Variants in MYCBP2 observed in about 807,000 individuals in gnomAD.
The protein encoded by MYCBP2 is E3 ubiquitin-protein ligase MYCBP2.
Under a neutral mutation model 525.3 loss-of-function variants are expected in MYCBP2, and 120 were observed. That is an observed-to-expected ratio of 0.23 (90% CI 0.20 to 0.27). MYCBP2 has a LOEUF of 0.27. Among genes scored for constraint, MYCBP2 ranks in the 10% least tolerant of loss-of-function variants. The pLI is 1.00. For synonymous variants in MYCBP2, 1,894 were observed against 1,955.8 expected (o/e 0.97, Z 0.83); for missense variants, 4,149 against 5,657.1 (o/e 0.73, Z 8.55).
At chr13:77,282,411 GAAAA>G (rs35046756) in intron 3 of MYCBP2, among the ~76,000 whole-genome samples, 2 of 108,426 alleles carry the variant, frequency 1.8e-5, no homozygotes. Flanking sequence ...ACTCCATCTT[GAAAA>G]AAAAAAAAAA....
In MYCBP2 at chr13:77,273,577, A is replaced by G; in HGVS notation, c.840T>C (p.Ala280=). Residue 280 remains alanine (A), a synonymous_variant, in exon 5 of 83, where the codon GCT becomes GCC. Transcript: ENST00000544440. ...AAGAAGCCACCAGACTAAAGAGGCA[A>G]GCACAGGAAAGTGCTGTTAAGGACT... The part of the protein sequence containing the change: ...TGQSLTALSC[A]CLFSLVASWG... The G allele has an allele frequency of 6.2e-7, 1 of 1,613,878 alleles. No homozygotes were observed. Among genetic ancestry groups the G allele is most frequent in the South Asian group, 1.1e-5 (1 of 91,030 alleles).
chr13:77,293,519 T>C (rs1469846920), intron 2 of MYCBP2, among the ~76,000 whole-genome samples: 1 of 152,190 alleles, frequency 6.6e-6, no homozygotes, highest in African/African-American at 2.4e-5. Context: ...CAAAAACTTC[T>C]ATACCCTAAT....
intron 53 of MYCBP2, 39 bp downstream of exon 53, chr13:77,126,279 T>C: frequency 1.3e-6 from 2 of 1,548,010 alleles, no homozygotes; most frequent in Middle Eastern, 1.7e-4. Flanking sequence ...ACATTAAAAA[T>C]GAGTATCTTA....
In MYCBP2 at chr13:77,176,550, C is replaced by T; in HGVS notation, c.5419G>A (p.Asp1807Asn). 6.2e-7 allele frequency: 1 copy of T among 1,601,168 alleles called. No homozygotes were observed. Among genetic ancestry groups the T allele is most frequent in the East Asian group, 2.2e-5 (1 of 44,720 alleles). Residue 1807 changes from aspartate (D) to asparagine (N), a missense_variant, in exon 36 of 83, where the codon GAC (aspartate) becomes AAC (asparagine). Transcript: ENST00000544440. The part of the protein sequence containing the change: ...ELVKGTYTTD[D>N]SPSDIAEIRL... Reference sequence around the variant, plus strand: ...ATCTCAGCTATATCACTGGGTGAGTCATCCGTTGTGTACGTTCCTTTCACT... The same window carrying T: ...ATCTCAGCTATATCACTGGGTGAGTTATCCGTTGTGTACGTTCCTTTCACT...
chr13:77,287,641 T>C (rs1343205799), intron 3 of MYCBP2, among the ~76,000 whole-genome samples: 2 of 152,070 alleles, frequency 1.3e-5, no homozygotes, highest in East Asian at 3.9e-4. Flanking sequence ...AGTACAATTA[T>C]AAGCTTAGGC....
intron 62 of MYCBP2, among the ~76,000 whole-genome samples, chr13:77,084,837 TC>T (rs2043947971): frequency 6.6e-6 from 1 of 151,962 alleles, no homozygotes; most frequent in African/African-American, 2.4e-5. Flanking sequence ...AATTTTAGAC[TC>T]CCTTTCTGCA....
chr13:77,231,201 T>C (rs1398849458), intron 18 of MYCBP2, among the ~76,000 whole-genome samples: 8 of 152,192 alleles, frequency 5.3e-5, no homozygotes, highest in Admixed American at 1.3e-4. Context: ...AAGTAGGTCC[T>C]TACAGAGTGG....
rs17067328 is a variant in MYCBP2, at chr13:77,229,864, G to T, written c.2737+3292C>A. ...AAGTAAGAGTAAAATAGACTCAGAT[G>T]TTTATCAGTGTGCCTTCAGATTTTC... is the stretch of plus-strand genomic sequence containing the variant. On this transcript the variant is annotated intron_variant, in intron 18 of 82. Transcript: ENST00000544440. 6.8e-3 allele frequency among the ~76,000 whole-genome samples: 1,039 copies of T among 152,180 alleles called. 6 individuals are homozygous for T. Among genetic ancestry groups the T allele is most frequent in the African/African-American group, 0.024 (989 of 41,540 alleles).
intron 65 of MYCBP2, 128 bp from the exon 66 acceptor site, chr13:77,079,017 C>T: frequency 2.9e-6 from 2 of 682,390 alleles, no homozygotes; most frequent in South Asian, 1.8e-5. Flanking sequence ...CTGATTGACC[C>T]CACCCCATCC....
chr13:77,108,409 T>C (rs2048197281), intron 55 of MYCBP2, among the ~76,000 whole-genome samples: 1 of 152,162 alleles, frequency 6.6e-6, no homozygotes, highest in Admixed American at 6.6e-5. Flanking sequence ...TTAGAAAGAA[T>C]AACTTCAAAA....
At position 77,326,713 on chromosome 13, in the gene MYCBP2, T is replaced by A. The variant is rs117722214; in HGVS notation, c.63A>T (p.Gly21=). The change falls in exon 1 of 83, where the codon GGA becomes GGT. Residue 21 remains glycine, a synonymous_variant. Transcript: ENST00000544440. The surrounding 1 kb of genome is among the most constrained non-coding windows in gnomAD (Gnocchi z 4.2). The part of the protein sequence containing the change: ...AAASSGLGGD[G]FYPAATFSSS... ...AAGAGAAGGTGGCGGCTGGGTAGAATCCGTCCCCGCCGAGCCCCGAGGAGG... is the reference window on the plus strand; with the variant it reads ...AAGAGAAGGTGGCGGCTGGGTAGAAACCGTCCCCGCCGAGCCCCGAGGAGG... 100,062 of 1,419,156 alleles carry A rather than the reference T, an allele frequency of 0.071. 3,825 individuals carry two copies. Among genetic ancestry groups the A allele is most frequent in the Middle Eastern group, 0.1 (418 of 4,004 alleles). The allele number at this position is 1,419,156 out of a possible 1,614,324, so 87.9% of individuals were successfully genotyped here. A position where few individuals can be genotyped will look rare whatever the true frequency, so the allele number is the denominator to read the frequency against.
chr13:77,079,029 T>C (rs2042838090), intron 65 of MYCBP2, 140 bp from the exon 66 acceptor site: 5 of 634,542 alleles, frequency 7.9e-6, no homozygotes, highest in Non-Finnish European at 1.4e-5. Context: ...ACCCCATCCC[T>C]CCAACTAACC....
intron 38 of MYCBP2, among the ~76,000 whole-genome samples, chr13:77,170,179 G>A (rs1426210995): frequency 1.3e-5 from 2 of 152,160 alleles, no homozygotes; most frequent in Non-Finnish European, 2.9e-5. Flanking sequence ...ATTAAACGAG[G>A]TAATATATGT....
chr13:77,237,753 G>A (rs997306895), intron 17 of MYCBP2, among the ~76,000 whole-genome samples: 4 of 152,050 alleles, frequency 2.6e-5, no homozygotes, highest in Non-Finnish European at 4.4e-5. Context: ...AGTGTGAGAA[G>A]TTACACCAAA....
At chr13:77,168,747 T>C (rs1473746326) in intron 39 of MYCBP2, 101 bp from the exon 40 acceptor site, 3 of 1,075,376 alleles carry the variant, frequency 2.8e-6, no homozygotes, top group South Asian at 1.6e-5. Context: ...ACAATTTCCA[T>C]CTAAATTTTC....
chr13:77,165,501 A>T lies in MYCBP2; in HGVS notation c.6341-110T>A, dbSNP rs148416822. Reference sequence around the variant, plus strand: ...TTATCACAAGATAGGTAAAAACACAAATCATATACTACATAACTTAAATAG... The same window carrying T: ...TTATCACAAGATAGGTAAAAACACATATCATATACTACATAACTTAAATAG... On this transcript the variant is annotated intron_variant, in intron 41 of 82. Coordinates refer to ENST00000544440, the MANE Select transcript of MYCBP2 (RefSeq NM_015057.5). 3.2e-4 allele frequency: 252 copies of T among 781,012 alleles called. 1 individual carries two copies. The African/African-American group carries it at 3.5e-3, about 11-fold the overall frequency. 48.4% of individuals were successfully genotyped at this position (781,012 alleles called of 1,614,324 possible).
At chr13:77,052,198 CCT>C (rs1194287398) in intron 80 of MYCBP2, among the ~76,000 whole-genome samples, 1 of 151,914 alleles carries the variant, frequency 6.6e-6, no homozygotes, top group African/African-American at 2.4e-5. Context: ...TCCTCTTCCA[CCT>C]CTCTCTCTGT....
In MYCBP2 at chr13:77,171,553, A is replaced by T. The variant is rs766498773; in HGVS notation, c.5733T>A (p.Ser1911=). The change falls in exon 38 of 83, where the codon TCT becomes TCA. Residue 1911 remains serine (S), a synonymous_variant. Coordinates refer to ENST00000544440, the MANE Select transcript of MYCBP2 (RefSeq NM_015057.5). The part of the protein sequence containing the change: ...EEDKNCSRAL[S]VVSTVVRASK... ...AGGCTCGAACGACAGTGCTTACAAC[A>T]GACAATGCTCTGCTACAGTTTTTAT... 1 of 1,614,050 alleles carries T rather than the reference A, an allele frequency of 6.2e-7. No individual in the cohort carries two copies. Among genetic ancestry groups the T allele is most frequent in the Non-Finnish European group, 8.5e-7 (1 of 1,180,006 alleles).
chr13:77,288,432 AT>A, intron 2 of MYCBP2, 56 bp from the exon 3 acceptor site: 1 of 1,423,472 alleles, frequency 7.0e-7, no homozygotes, highest in Non-Finnish European at 9.7e-7. Context: ...ATCAAGTCCC[AT>A]TTTACATAAA....
Sources: allele counts gnomAD v4.1 joint callset (sites outside exome capture counted in the v4.1 genomes callset), GRCh38; gene constraint gnomAD v4.1.1; non-coding constraint Gnocchi (gnomAD v3.1); transcripts MANE v1.5; gene names NCBI Gene and HGNC (gene_info 2026-07-23, HGNC 2026-07-21).